Variants in GPT2 observed in about 807,000 individuals in gnomAD.
GPT2 encodes glutamic--pyruvic transaminase 2.
GPT2 carries 30 observed loss-of-function variants against 56.9 expected under a neutral mutation model. The ratio of observed to expected loss-of-function variants is 0.53; its 90% CI spans 0.39 to 0.72. GPT2 has a LOEUF of 0.72. Among genes scored for constraint, GPT2 ranks in the 30% least tolerant of loss-of-function variants. The pLI is 0.00. For synonymous variants in GPT2, 271 were observed against 283.1 expected (o/e 0.96, Z 0.43); for missense variants, 542 against 703.4 (o/e 0.77, Z 2.60).
intron 2 of GPT2, among the ~76,000 whole-genome samples, chr16:46,887,709 C>T (rs1046524713): frequency 6.6e-6 from 1 of 152,138 alleles, no homozygotes; most frequent in African/African-American, 2.4e-5. Flanking sequence ...TTCATGCTGT[C>T]TATGGAATTC....
chr16:46,907,149 G>A (rs1230783371), intron 5 of GPT2, among the ~76,000 whole-genome samples, 174 bp downstream of exon 5: 3 of 152,192 alleles, frequency 2.0e-5, no homozygotes, highest in African/African-American at 7.2e-5. Context: ...GTCTTCATGA[G>A]CCTAGACACT....
intron 5 of GPT2, among the ~76,000 whole-genome samples, chr16:46,908,401 T>G (rs1483446090): frequency 6.6e-6 from 1 of 152,184 alleles, no homozygotes; most frequent in East Asian, 1.9e-4. Context: ...GGGGACTGGT[T>G]GCCTGCCTAT....
At chr16:46,885,158 C>G in intron 2 of GPT2, 200 bp downstream of exon 2, 1 of 1,309,788 alleles carries the variant, frequency 7.6e-7, no homozygotes, top group Non-Finnish European at 9.7e-7. Flanking sequence ...TGAGGCCTTG[C>G]AATACGGTTC....
At chr16:46,919,931 G>A (rs1961251926) in intron 8 of GPT2, among the ~76,000 whole-genome samples, 1 of 152,196 alleles carries the variant, frequency 6.6e-6, no homozygotes, top group Non-Finnish European at 1.5e-5. Context: ...TCCTGGCCAG[G>A]TGCAGTGGCT....
intron 6 of GPT2, among the ~76,000 whole-genome samples, chr16:46,910,421 TG>T (rs1301029303): frequency 1.5e-5 from 2 of 130,728 alleles, no homozygotes; most frequent in African/African-American, 5.8e-5. Flanking sequence ...TAGCCAGGTG[TG>T]GTGGTACATG....
chr16:46,905,379 TC>T (rs1341369631), intron 4 of GPT2, among the ~76,000 whole-genome samples: 1 of 152,144 alleles, frequency 6.6e-6, no homozygotes, highest in African/African-American at 2.4e-5. Context: ...GTGTTCCTCC[TC>T]GATGCCAGGC....
chr16:46,929,672 G>C lies in GPT2; in HGVS notation c.*675G>C, dbSNP rs1320272627. 1 of 152,574 alleles carries C rather than the reference G, an allele frequency of 6.6e-6. No individual in the cohort carries two copies. Among genetic ancestry groups the C allele is most frequent in the East Asian group, 1.9e-4 (1 of 5,198 alleles). 9.5% of individuals were successfully genotyped at this position (152,574 alleles called of 1,614,324 possible). A position where few individuals can be genotyped will look rare whatever the true frequency, so the allele number is the denominator to read the frequency against. The stretch of plus-strand genomic sequence containing the variant: ...CCTCCGCTTCCCAGCAACGCAGCCA[G>C]GCCTGAGAATTCTGTGCGCCCGGCG... On this transcript the variant is annotated 3_prime_UTR_variant, in exon 12 of 12. Coordinates refer to ENST00000340124, the MANE Select transcript of GPT2 (RefSeq NM_133443.4).
chr16:46,900,602 C>A, intron 3 of GPT2, 80 bp from the exon 4 acceptor site: 2 of 1,059,122 alleles, frequency 1.9e-6, no homozygotes, highest in Non-Finnish European at 2.9e-6. Flanking sequence ...GAGCTGTCAT[C>A]CTCCCAGTGG....
At chr16:46,902,458 A>G (rs1289147079) in intron 4 of GPT2, among the ~76,000 whole-genome samples, 1 of 152,178 alleles carries the variant, frequency 6.6e-6, no homozygotes, top group Non-Finnish European at 1.5e-5. Flanking sequence ...CCTTCGCGTG[A>G]CAGGGACATA....
At position 46,918,608 on chromosome 16, in the gene GPT2, C is replaced by T. The variant is rs766642910; in HGVS notation, c.901-13C>T. The T allele has an allele frequency of 2.1e-5, 34 of 1,613,538 alleles. No homozygotes were observed. Among genetic ancestry groups the T allele is most frequent in the Middle Eastern group, 1.6e-4 (1 of 6,078 alleles). The stretch of plus-strand genomic sequence containing the variant: ...AGGACCCTTTGGTGACCGTCCCTGC[C>T]GTGCCCCCGCAGGTGTACCAGGACA... On this transcript the variant is annotated splice_polypyrimidine_tract_variant and intron_variant, in intron 7 of 11. Transcript: ENST00000340124.
At chr16:46,889,130 G>A (rs1447523943) in intron 2 of GPT2, among the ~76,000 whole-genome samples, 2 of 151,892 alleles carry the variant, frequency 1.3e-5, no homozygotes, top group East Asian at 1.9e-4. Flanking sequence ...GGGCTCAAGC[G>A]ATCCTTACAC....
At chr16:46,890,660 G>T (rs1040341101) in intron 2 of GPT2, among the ~76,000 whole-genome samples, 4 of 152,110 alleles carry the variant, frequency 2.6e-5, no homozygotes, top group Non-Finnish European at 4.4e-5. Context: ...AAGAAAAATT[G>T]TATATATTCA....
intron 6 of GPT2, among the ~76,000 whole-genome samples, chr16:46,914,815 T>TG (rs1961110478): frequency 6.6e-6 from 1 of 152,180 alleles, no homozygotes; most frequent in Non-Finnish European, 1.5e-5. Flanking sequence ...CTTCACCCGG[T>TG]GGCCACAGCC....
chr16:46,924,383 C>T lies in GPT2; in HGVS notation c.1213-6C>T, dbSNP rs746431136. On this transcript the variant is annotated splice_polypyrimidine_tract_variant and splice_region_variant and intron_variant, in intron 9 of 11. Coordinates refer to ENST00000340124, the MANE Select transcript of GPT2 (RefSeq NM_133443.4). Reference sequence around the variant, plus strand: ...TGACTGCTGTGCTGTTTCCATCTCTCATCAGGAGAAGGAGTCGGTCCTGGG... The same window carrying T: ...TGACTGCTGTGCTGTTTCCATCTCTTATCAGGAGAAGGAGTCGGTCCTGGG... 4 of 1,613,842 alleles carry T rather than the reference C, an allele frequency of 2.5e-6. No homozygotes were observed. The highest frequency in any genetic ancestry group is 1.7e-6 in the Non-Finnish European group (2 of 1,179,706).
chr16:46,896,085 C>T (rs1200952626), intron 2 of GPT2, among the ~76,000 whole-genome samples: 3 of 152,210 alleles, frequency 2.0e-5, no homozygotes, highest in Non-Finnish European at 4.4e-5. Flanking sequence ...ACCCTGGTGA[C>T]CTTGTTCCTG....
At position 46,929,195 on chromosome 16, in the gene GPT2, A is replaced by G. The variant is rs569545562; in HGVS notation, c.*198A>G. On this transcript the variant is annotated 3_prime_UTR_variant, in exon 12 of 12. Transcript: ENST00000340124. ...TCTCTTTTGAGCAAACAAGCATTCT[A>G]TATGCAACCAGAGTAGAGGGGACCT... 1.4e-5 allele frequency: 8 copies of G among 585,352 alleles called. No homozygotes were observed. Among genetic ancestry groups the G allele is most frequent in the African/African-American group, 9.3e-5 (5 of 53,664 alleles). The allele number at this position is 585,352 out of a possible 1,614,324, so 36.3% of individuals were successfully genotyped here.
chr16:46,885,544 C>T (rs554427749), intron 2 of GPT2: 8 of 985,222 alleles, frequency 8.1e-6, no homozygotes, highest in Admixed American at 6.2e-5. Flanking sequence ...CTTGGCCGAC[C>T]AGCCACTTCT....
intron 9 of GPT2, among the ~76,000 whole-genome samples, chr16:46,922,860 T>C (rs1961321004): frequency 6.6e-6 from 1 of 152,164 alleles, no homozygotes; most frequent in East Asian, 1.9e-4. Flanking sequence ...CAAAGGAATT[T>C]ATGGGTCAAG....
At chr16:46,912,297 T>G (rs980216390) in intron 6 of GPT2, among the ~76,000 whole-genome samples, 2 of 152,160 alleles carry the variant, frequency 1.3e-5, no homozygotes, top group African/African-American at 4.8e-5. Context: ...GGAGCCTCGG[T>G]ACCCTCCTCA....
Sources: allele counts gnomAD v4.1 joint callset (sites outside exome capture counted in the v4.1 genomes callset), GRCh38; gene constraint gnomAD v4.1.1; transcripts MANE v1.5; gene names NCBI Gene and HGNC (gene_info 2026-07-23, HGNC 2026-07-21).